Variants in DOCK3 observed in about 807,000 individuals in gnomAD.
The protein encoded by DOCK3 is dedicator of cytokinesis 3, also known as dedicator of cytokinesis protein 3.
DOCK3 carries 60 observed loss-of-function variants against 265.6 expected under a neutral mutation model. That is an observed-to-expected ratio of 0.23 (90% confidence interval 0.18 to 0.28). The LOEUF (loss-of-function observed/expected upper bound fraction) is 0.28, where lower values mean the gene tolerates loss of function less well. Among genes scored for constraint, DOCK3 ranks in the 10% least tolerant of loss-of-function variants. The probability of loss-of-function intolerance (pLI) is 1.00; values close to 1 mark genes in which losing one functional copy is unlikely to be tolerated. For missense variants in DOCK3, 1,981 were observed against 2,594.3 expected (o/e 0.76, Z 5.14); for synonymous variants, 881 against 938.0 (o/e 0.94, Z 1.11).
intron 1 of DOCK3, among the ~76,000 whole-genome samples, chr3:50,742,984 A>G (rs2039162266): frequency 6.6e-6 from 1 of 152,250 alleles, no homozygotes; most frequent in South Asian, 2.1e-4. Context: ...TCAGACTAAC[A>G]GCGGATCTCT....
At chr3:50,828,856 G>A (rs1474077330) in intron 2 of DOCK3, among the ~76,000 whole-genome samples, 2 of 152,152 alleles carry the variant, frequency 1.3e-5, no homozygotes, top group Admixed American at 1.3e-4. Flanking sequence ...TGGGATTACA[G>A]GCATGTGCCA....
chr3:51,132,003 G>A (rs2084576799), intron 9 of DOCK3, among the ~76,000 whole-genome samples: 1 of 152,124 alleles, frequency 6.6e-6, no homozygotes, highest in South Asian at 2.1e-4. Context: ...GGGATGAGTA[G>A]GTCTAAAGTG....
intron 20 of DOCK3, among the ~76,000 whole-genome samples, chr3:51,237,040 C>T (rs1209940569): frequency 6.6e-6 from 1 of 150,754 alleles, no homozygotes; most frequent in Admixed American, 6.6e-5. Context: ...CCCTCCGGCT[C>T]TTCTTCTTCC....
chr3:51,358,642 C>G (rs2086530646), intron 46 of DOCK3, among the ~76,000 whole-genome samples: 1 of 152,202 alleles, frequency 6.6e-6, no homozygotes, highest in Admixed American at 6.5e-5. Flanking sequence ...AAGCTCACAT[C>G]TGAGATAGCC....
At position 51,358,221 on chromosome 3, in the gene DOCK3, G is replaced by C. The variant is rs1006475125; in HGVS notation, c.4884+144G>C. On this transcript the variant is annotated intron_variant, in intron 46 of 52. Coordinates refer to ENST00000266037, the MANE Select transcript of DOCK3 (RefSeq NM_004947.5). ...GGAGAGAGGCTGTCCTCCCTACAGA[G>C]GGACAGGGGGCAAGGATGGATGCTA... is the stretch of plus-strand genomic sequence containing the variant. 4.2e-6 allele frequency: 3 copies of C among 716,776 alleles called. No homozygotes were observed. The African/African-American group carries it at 5.3e-5, about 13-fold the overall frequency. The allele number at this position is 716,776 out of a possible 1,614,324, so 44.4% of individuals were successfully genotyped here.
At chr3:51,356,708 A>C (rs897041037) in intron 43 of DOCK3, among the ~76,000 whole-genome samples, 1 of 152,124 alleles carries the variant, frequency 6.6e-6, no homozygotes, top group African/African-American at 2.4e-5. Flanking sequence ...CTCCTACTTT[A>C]CATATGAGAA....
chr3:51,054,845 CT>C (rs2081141443), intron 5 of DOCK3, among the ~76,000 whole-genome samples: 3 of 152,012 alleles, frequency 2.0e-5, no homozygotes, highest in African/African-American at 7.2e-5. Flanking sequence ...GCTATAATTT[CT>C]GTGGTCTTGT....
At chr3:50,860,608 G>T (rs912896692) in intron 3 of DOCK3, among the ~76,000 whole-genome samples, 11 of 152,186 alleles carry the variant, frequency 7.2e-5, no homozygotes, top group African/African-American at 2.7e-4. Flanking sequence ...TAAAAAAGCA[G>T]TCAGGCCATG....
At chr3:50,705,679 T>C (rs1286946791) in intron 1 of DOCK3, among the ~76,000 whole-genome samples, 1 of 152,108 alleles carries the variant, frequency 6.6e-6, no homozygotes, top group Non-Finnish European at 1.5e-5. Context: ...CCTCCCAAAA[T>C]GCTGGGATTA....
chr3:50,960,315 C>G (rs973292676), intron 5 of DOCK3, among the ~76,000 whole-genome samples: 4 of 152,162 alleles, frequency 2.6e-5, no homozygotes, highest in African/African-American at 9.6e-5. Context: ...ATATTTTCAC[C>G]AGTAATGTGT....
intron 2 of DOCK3, among the ~76,000 whole-genome samples, chr3:50,822,139 G>C (rs968903878): frequency 1.3e-5 from 2 of 152,124 alleles, no homozygotes; most frequent in Admixed American, 6.5e-5. Context: ...TCCTGAGCAT[G>C]GAATGTTTGT....
At chr3:50,871,213 T>TCTG (rs2047414513) in intron 3 of DOCK3, among the ~76,000 whole-genome samples, 1 of 152,108 alleles carries the variant, frequency 6.6e-6, no homozygotes, top group Admixed American at 6.5e-5. Flanking sequence ...ATGAAATCCC[T>TCTG]CTGCTTTTGT....
intron 5 of DOCK3, among the ~76,000 whole-genome samples, chr3:51,023,009 C>G (rs1435959192): frequency 2.6e-5 from 4 of 152,098 alleles, no homozygotes; most frequent in Non-Finnish European, 4.4e-5. Flanking sequence ...CTTTAGATAG[C>G]CTAATGAGTA....
chr3:51,321,609 A>G (rs1204795623), intron 32 of DOCK3, among the ~76,000 whole-genome samples: 1 of 152,202 alleles, frequency 6.6e-6, no homozygotes, highest in Non-Finnish European at 1.5e-5. Context: ...GCTAACTGGA[A>G]TAACCAGTTT....
At chr3:50,841,743 C>CTTTTTCTTTTTTTTTTTTT in intron 3 of DOCK3, 28 bp downstream of exon 3, 2 of 483,402 alleles carry the variant, frequency 4.1e-6, no homozygotes, top group Non-Finnish European at 3.4e-6. Flanking sequence ...GTTACCTTTT[C>CTTTTTCTTTTTTTTTTTTT]TAATGTAGGA....
chr3:51,192,031 A>G (rs1334450415), intron 12 of DOCK3, among the ~76,000 whole-genome samples: 1 of 150,222 alleles, frequency 6.7e-6, no homozygotes, highest in Non-Finnish European at 1.5e-5. Context: ...TTGAAAGGGA[A>G]AAATATTTCC....
chr3:50,869,342 ATTTTTTTTTTTTTTTTTTTTTTTTTT>A lies in DOCK3; in HGVS notation c.163-20661_163-20636del, dbSNP rs755531254. Among the ~76,000 whole-genome samples, 99 of 70,106 alleles carry A rather than the reference ATTTTTTTTTTTTTTTTTTTTTTTTTT, an allele frequency of 1.4e-3. 17 individuals are homozygous for A. In the East Asian group the frequency reaches 0.026, roughly 18 times the overall value. 46.0% of individuals were successfully genotyped at this position (70,106 alleles called of 152,430 possible). ...TCAATTTTATTTATTTCTGCTGGGA[ATTTTTTTTTTTTTTTTTTTTTTTTTT>A]TTTTTTTTTTTTTTTTTTTTTTGGA... On this transcript the variant is annotated intron_variant, in intron 3 of 52. Transcript: ENST00000266037.
chr3:50,961,684 T>C (rs1043602056), intron 5 of DOCK3, among the ~76,000 whole-genome samples: 2 of 152,186 alleles, frequency 1.3e-5, no homozygotes, highest in East Asian at 3.8e-4. Flanking sequence ...TTGAACCTTA[T>C]TTCTCTAAAG....
intron 1 of DOCK3, among the ~76,000 whole-genome samples, chr3:50,711,027 G>A (rs2036729701): frequency 6.6e-6 from 1 of 152,068 alleles, no homozygotes; most frequent in African/African-American, 2.4e-5. Flanking sequence ...CAGGTGATAG[G>A]TATACCAAAA....
Sources: allele counts gnomAD v4.1 joint callset (sites outside exome capture counted in the v4.1 genomes callset), GRCh38; gene constraint gnomAD v4.1.1; transcripts MANE v1.5; gene names NCBI Gene and HGNC (gene_info 2026-07-23, HGNC 2026-07-21).